CNBD1: variants seen among roughly 807,000 people sequenced by gnomAD.
CNBD1 encodes cyclic nucleotide-binding domain-containing protein 1.
CNBD1 carries 71 observed loss-of-function variants against 54.4 expected under a neutral mutation model. The observed-to-expected ratio is 1.30, with a 90% CI of 1.08 to 1.59. The LOEUF (loss-of-function observed/expected upper bound fraction) is 1.59. Ranked by LOEUF, CNBD1 falls within the 40% of genes most tolerant of loss-of-function variation. The pLI is 0.00. For synonymous variants in CNBD1, 182 were observed against 170.7 expected (o/e 1.07, Z -0.51); for missense variants, 659 against 518.0 (o/e 1.27, Z -2.64).
intron 4 of CNBD1, among the ~76,000 whole-genome samples, chr8:87,111,613 T>G (rs1353784539): frequency 6.6e-6 from 1 of 152,168 alleles, no homozygotes; most frequent in Non-Finnish European, 1.5e-5. Context: ...GGTTGAGAAC[T>G]GGGAAAGGGA....
chr8:87,332,863 T>C (rs573969099), intron 8 of CNBD1, among the ~76,000 whole-genome samples: 1 of 152,184 alleles, frequency 6.6e-6, no homozygotes, highest in Non-Finnish European at 1.5e-5. Context: ...CAGGCCGTTT[T>C]TTGGTTCCAT....
chr8:87,122,531 T>G (rs2130717216), intron 4 of CNBD1, among the ~76,000 whole-genome samples: 1 of 151,994 alleles, frequency 6.6e-6, no homozygotes, highest in Non-Finnish European at 1.5e-5. Flanking sequence ...TGCAGATCTT[T>G]TTAGTTTGAT....
intron 2 of CNBD1, among the ~76,000 whole-genome samples, chr8:87,396,933 T>C (rs2130974083): frequency 6.6e-6 from 1 of 151,544 alleles, no homozygotes; most frequent in East Asian, 1.9e-4. Flanking sequence ...ATCTGGAACT[T>C]CTTTTCATGT....
chr8:87,374,476 A>T lies in CNBD1; in HGVS notation c.1304-8144A>T, dbSNP rs186317154. The stretch of plus-strand genomic sequence containing the variant: ...TTAGTATAACAGACTATTACTGAGG[A>T]TTTTCATTTTCATTGCCCGTCTTTA... On this transcript the variant is annotated intron_variant, in intron 10 of 10. Transcript: ENST00000518476. 3.8e-3 allele frequency among the ~76,000 whole-genome samples: 584 copies of T among 151,832 alleles called. 7 individuals carry two copies. The highest frequency in any genetic ancestry group is 0.013 in the African/African-American group (556 of 41,474).
At chr8:87,153,510 A>C (rs1340503284) in intron 4 of CNBD1, among the ~76,000 whole-genome samples, 1 of 152,206 alleles carries the variant, frequency 6.6e-6, no homozygotes, top group Non-Finnish European at 1.5e-5. Flanking sequence ...GGACCAAGGC[A>C]ATGCAGATCA....
At chr8:87,284,430 C>T (rs937286241) in intron 6 of CNBD1, among the ~76,000 whole-genome samples, 4 of 152,088 alleles carry the variant, frequency 2.6e-5, no homozygotes, top group Admixed American at 6.6e-5. Context: ...CTCTAATAGG[C>T]ACTTTAAATC....
At chr8:87,374,628 G>T (rs150622555) in intron 10 of CNBD1, among the ~76,000 whole-genome samples, 3 of 151,886 alleles carry the variant, frequency 2.0e-5, no homozygotes, top group South Asian at 4.1e-4. Context: ...CTAGCAGTTA[G>T]GTTGGAGCCA....
chr8:87,207,183 G>A (rs1237269413), intron 5 of CNBD1, among the ~76,000 whole-genome samples: 2 of 152,110 alleles, frequency 1.3e-5, no homozygotes, highest in Non-Finnish European at 2.9e-5. Flanking sequence ...TTTGCTATTA[G>A]ATTGAGGATA....
At chr8:87,042,978 T>C (rs918130607) in intron 4 of CNBD1, among the ~76,000 whole-genome samples, 2 of 152,132 alleles carry the variant, frequency 1.3e-5, no homozygotes, top group Non-Finnish European at 2.9e-5. Context: ...TAGCTGGGGC[T>C]GATGTTATGG....
Position 86,994,282 on chromosome 8 carries a change from G to A in CNBD1, c.431+54528G>A, listed in dbSNP as rs56772881. Among the ~76,000 whole-genome samples the A allele has an allele frequency of 7.8e-3, 1,184 of 152,280 alleles. 16 individuals carry two copies. The highest frequency in any genetic ancestry group is 0.027 in the African/African-American group (1,120 of 41,556). ...ATACTAGGTCACTGGGAAACTACTC[G>A]GGGAGCAAATCACCCAGGCTGGACA... On this transcript the variant is annotated intron_variant, in intron 4 of 10. Transcript: ENST00000518476.
chr8:87,402,431 C>A (rs556222361), intron 2 of CNBD1, among the ~76,000 whole-genome samples: 11 of 152,014 alleles, frequency 7.2e-5, no homozygotes, highest in Admixed American at 3.3e-4. Flanking sequence ...TAATGTACAT[C>A]AATTAATTTC....
intron 8 of CNBD1, among the ~76,000 whole-genome samples, chr8:87,333,505 G>A (rs988395274): frequency 1.9e-4 from 29 of 152,136 alleles, no homozygotes; most frequent in Non-Finnish European, 3.5e-4. Flanking sequence ...GATATTGGCT[G>A]TGGGTTTGTC....
intron 4 of CNBD1, among the ~76,000 whole-genome samples, chr8:87,089,716 G>T (rs1369062354): frequency 9.2e-5 from 14 of 152,060 alleles, no homozygotes. Context: ...TGAAAGGTGA[G>T]AAAATGGCTT....
chr8:87,243,364 T>A (rs1427390036), intron 6 of CNBD1, among the ~76,000 whole-genome samples: 1 of 152,230 alleles, frequency 6.6e-6, no homozygotes, highest in Admixed American at 6.5e-5. Context: ...ATCAAGTGAC[T>A]ATTGGGATAT....
At chr8:87,227,742 T>A (rs1156519457) in intron 5 of CNBD1, among the ~76,000 whole-genome samples, 3 of 149,156 alleles carry the variant, frequency 2.0e-5, no homozygotes, top group Non-Finnish European at 4.4e-5. Flanking sequence ...TCTCGAGGAG[T>A]ATCTTTGTGG....
chr8:87,003,008 G>A (rs924105888), intron 4 of CNBD1, among the ~76,000 whole-genome samples: 2 of 152,224 alleles, frequency 1.3e-5, no homozygotes, highest in East Asian at 3.9e-4. Flanking sequence ...CTTTTCCCTT[G>A]AAGCAATGAC....
intron 4 of CNBD1, among the ~76,000 whole-genome samples, chr8:87,144,778 C>T (rs1451262295): frequency 1.3e-5 from 2 of 149,720 alleles, no homozygotes; most frequent in Non-Finnish European, 3.0e-5. Flanking sequence ...CCAAATTGCG[C>T]CATTGCACTC....
intron 4 of CNBD1, among the ~76,000 whole-genome samples, chr8:86,982,212 C>T (rs2130510718): frequency 6.6e-6 from 1 of 152,200 alleles, no homozygotes; most frequent in East Asian, 1.9e-4. Flanking sequence ...CTTTTGTGCC[C>T]ATTAAAACTT....
intron 2 of CNBD1, among the ~76,000 whole-genome samples, chr8:86,902,407 A>G (rs1269345671): frequency 6.6e-6 from 1 of 152,122 alleles, no homozygotes; most frequent in Non-Finnish European, 1.5e-5. Context: ...ATCTGAATAC[A>G]CTGAACTTCT....
Sources: allele counts gnomAD v4.1 joint callset (sites outside exome capture counted in the v4.1 genomes callset), GRCh38; gene constraint gnomAD v4.1.1; transcripts MANE v1.5; gene names NCBI Gene and HGNC (gene_info 2026-07-23, HGNC 2026-07-21).